Variants in C3 observed in about 807,000 individuals in gnomAD.
C3 encodes the protein C3 and PZP-like alpha-2-macroglobulin domain-containing protein 1.
A neutral mutation model predicts 207.9 loss-of-function variants in C3; 97 were observed. The observed-to-expected ratio is 0.47, with a 90% CI of 0.40 to 0.55. The LOEUF is 0.55. Among genes scored for constraint, C3 ranks in the 20% least tolerant of loss-of-function variants. C3 has a pLI of 0.00. For missense variants in C3, 1,684 were observed against 2,171.7 expected (o/e 0.78, Z 4.46); for synonymous variants, 848 against 857.6 (o/e 0.99, Z 0.20).
intron 38 of C3, among the ~76,000 whole-genome samples, chr19:6,678,725 A>G (rs1917784446): frequency 6.6e-6 from 1 of 152,080 alleles, no homozygotes; most frequent in South Asian, 2.1e-4. Flanking sequence ...ATGCAATGAG[A>G]GTGACTCATA....
At chr19:6,699,240 TTTC>T (rs201063729) in intron 19 of C3, among the ~76,000 whole-genome samples, 14,559 of 76,554 alleles carry the variant, frequency 0.19, 766 homozygotes, top group East Asian at 0.25. Context: ...TTTCTTTTCT[TTTC>T]TTTTTTTTTT....
intron 14 of C3, 39 bp downstream of exon 14, chr19:6,709,645 T>A: frequency 9.0e-6 from 10 of 1,108,652 alleles, no homozygotes; most frequent in East Asian, 6.2e-5. Context: ...GCTCCGTGCC[T>A]CCGCCTCTTC....
chr19:6,684,214 A>G (rs1014098200), intron 33 of C3, 174 bp downstream of exon 33: 6 of 723,546 alleles, frequency 8.3e-6, no homozygotes, highest in Non-Finnish European at 1.3e-5. Context: ...GTGGTCTCAC[A>G]TTAACATGCA....
intron 19 of C3, among the ~76,000 whole-genome samples, chr19:6,699,686 G>A (rs930508379): frequency 6.6e-6 from 1 of 151,804 alleles, no homozygotes; most frequent in Non-Finnish European, 1.5e-5. Flanking sequence ...TCCTAAATGA[G>A]ATGCACTGAA....
chr19:6,719,888 A>C lies in C3; in HGVS notation c.75-485T>G, dbSNP rs1451410660. 6.6e-6 allele frequency among the ~76,000 whole-genome samples: 1 copy of C among 152,054 alleles called. No individual in the cohort carries two copies. Among genetic ancestry groups the C allele is most frequent in the Non-Finnish European group, 1.5e-5 (1 of 68,018 alleles). On this transcript the variant is annotated intron_variant, in intron 1 of 40. Transcript: ENST00000245907. This position sits in a 1 kb window ranked among gnomAD's most constrained non-coding sequence, Gnocchi z 5.4. ...ACCTCTAAACCTCAAATCTTAGAGC[A>C]CCCCAAACCCAGCCTAAACCTCCAA...
intron 13 of C3, among the ~76,000 whole-genome samples, chr19:6,710,212 AAG>A (rs200459958): frequency 0.054 from 2,632 of 48,608 alleles, 46 homozygotes; most frequent in Non-Finnish European, 0.08. Context: ...GAAGGAGAGA[AAG>A]AGGGAGAGAG....
chr19:6,690,749 A>C, intron 26 of C3, 22 bp from the exon 27 acceptor site: 9 of 1,586,912 alleles, frequency 5.7e-6, no homozygotes, highest in Non-Finnish European at 7.8e-6. Context: ...AGCAGAAAGC[A>C]AGGATGGGGT....
In C3 at chr19:6,718,340, T is replaced by C. The variant is rs774533380; in HGVS notation, c.340A>G (p.Thr114Ala). 1 of 1,614,186 alleles carries C rather than the reference T, an allele frequency of 6.2e-7. No individual in the cohort carries two copies. The highest frequency in any genetic ancestry group is 8.5e-7 in the Non-Finnish European group (1 of 1,180,034). ...KFVTVQATFG[T>A]QVVEKVVLVS... The stretch of plus-strand genomic sequence containing the variant: ...AGCACCACCTTCTCCACCACTTGGG[T>C]CCCGAAGGTGGCCTGCACGGTCACG... Residue 114 changes from threonine (T) to alanine (A), a missense_variant, in exon 3 of 41, where the codon ACC becomes GCC. This residue lies in a region of C3 where 1,280 missense variants were observed against 1,739.1 expected (regional missense o/e 0.74). Transcript: ENST00000245907.
At chr19:6,699,920 A>AT (rs1967608170) in intron 19 of C3, among the ~76,000 whole-genome samples, 1 of 150,220 alleles carries the variant, frequency 6.7e-6, no homozygotes, top group Non-Finnish European at 1.5e-5. Flanking sequence ...ATATGGTATA[A>AT]TTATAGATAT....
At chr19:6,691,989 AACACACACACAC>A (rs57940862) in intron 26 of C3, among the ~76,000 whole-genome samples, 2,278 of 136,924 alleles carry the variant, frequency 0.017, 47 homozygotes, top group African/African-American at 0.056. Flanking sequence ...CTCCATCTCA[AACACACACACAC>A]ACACACACAC....
intron 19 of C3, among the ~76,000 whole-genome samples, chr19:6,699,559 G>A (rs866953899): frequency 6.6e-6 from 1 of 151,768 alleles, no homozygotes; most frequent in African/African-American, 2.4e-5. Context: ...CCAACATGGT[G>A]ACACCCTGTC....
At chr19:6,697,242 T>G in intron 21 of C3, 102 bp downstream of exon 21, 1 of 874,696 alleles carries the variant, frequency 1.1e-6, no homozygotes, top group Non-Finnish European at 1.9e-6. Context: ...GACACTATGA[T>G]TCTTAGTGTC....
chr19:6,704,919 C>T (rs1393205766), intron 17 of C3, among the ~76,000 whole-genome samples: 2 of 150,550 alleles, frequency 1.3e-5, no homozygotes, highest in African/African-American at 2.5e-5. Flanking sequence ...AAAAAGTTTT[C>T]GTCCGTACAA....
At chr19:6,695,147 G>A (rs879623272) in intron 23 of C3, among the ~76,000 whole-genome samples, 3 of 151,710 alleles carry the variant, frequency 2.0e-5, no homozygotes, top group Non-Finnish European at 4.4e-5. Context: ...GCGGGCGCCT[G>A]TAGTCCCAGC....
rs193293763 is a variant in C3, at chr19:6,682,104, C to A, written c.4260+38G>T. The A allele has an allele frequency of 4.0e-3, 6,347 of 1,605,856 alleles. 17 individuals carry two copies. The highest frequency in any genetic ancestry group is 4.8e-3 in the Non-Finnish European group (5,600 of 1,172,454). On this transcript the variant is annotated intron_variant, in intron 34 of 40. Transcript: ENST00000245907. Reference sequence around the variant, plus strand: ...CCTGCAGCCTCTTCCAGAACCCAGGCTCCTTTCCACTTATCCCAGCTCCTG... The same window carrying A: ...CCTGCAGCCTCTTCCAGAACCCAGGATCCTTTCCACTTATCCCAGCTCCTG...
intron 26 of C3, 150 bp from the exon 27 acceptor site, chr19:6,690,877 T>C (rs1918148335): frequency 1.4e-6 from 1 of 695,454 alleles, no homozygotes; most frequent in East Asian, 2.7e-5. Flanking sequence ...TCAAACTTCT[T>C]AGTATTAATT....
chr19:6,690,539 A>G (rs1182329799), intron 27 of C3, 90 bp downstream of exon 27: 5 of 995,660 alleles, frequency 5.0e-6, no homozygotes, highest in Non-Finnish European at 8.1e-6. Flanking sequence ...GAGAGCTGCA[A>G]ATTCCCTGAA....
intron 32 of C3, 49 bp downstream of exon 32, chr19:6,684,511 A>G: frequency 6.4e-7 from 1 of 1,572,558 alleles, no homozygotes; most frequent in Non-Finnish European, 8.8e-7. Flanking sequence ...GGAAGACATT[A>G]GAAGAGGGGT....
chr19:6,682,023 T>C lies in C3; in HGVS notation c.4268A>G (p.Asn1423Ser), dbSNP rs984274936. ...CTTGGAGATGTATCTGTCAACACCA[T>C]TGGCCAGCTGGGGAAAGGTGGAGCC... Reference protein sequence around the residue: ...PDTDDLKQLANGVDRYISKYE... With the variant: ...PDTDDLKQLASGVDRYISKYE... The change falls in exon 35 of 41, where the codon AAT becomes AGT. Residue 1423 changes from asparagine to serine, a missense_variant. Around this residue, in one of 3 missense-constraint regions of C3, gnomAD observed 346 missense variants for 380.1 expected, o/e 0.91. Transcript: ENST00000245907. The C allele has an allele frequency of 1.9e-6, 3 of 1,613,932 alleles. No individual in the cohort carries two copies. The highest frequency in any genetic ancestry group is 1.3e-5 in the African/African-American group (1 of 74,918).
Sources: gnomAD v4.1 joint callset for allele counts (sites outside exome capture counted in the v4.1 genomes callset) on GRCh38, gnomAD v4.1.1 for gene constraint, gnomAD v4.1.1 regional missense constraint, Gnocchi (gnomAD v3.1) non-coding constraint, MANE v1.5 for transcripts, NCBI Gene and HGNC (gene_info 2026-07-23, HGNC 2026-07-21) for gene names.